SPECC1: variants seen among roughly 807,000 people sequenced by gnomAD.
The protein encoded by SPECC1 is cytospin-B.
Under a neutral mutation model 104.1 loss-of-function variants are expected in SPECC1, and 62 were observed. That is an observed-to-expected ratio of 0.60 (90% CI 0.49 to 0.74). The LOEUF (loss-of-function observed/expected upper bound fraction) is 0.74, where lower values mean the gene tolerates loss of function less well. SPECC1 is among the 30% of genes least tolerant of loss of function. SPECC1 has a pLI of 0.00. For synonymous variants in SPECC1, 513 were observed against 501.6 expected (o/e 1.02, Z -0.30); for missense variants, 1,306 against 1,310.5 (o/e 1.00, Z 0.05).
At chr17:20,298,551 G>A (rs1195754338) in intron 13 of SPECC1, among the ~76,000 whole-genome samples, 1 of 152,166 alleles carries the variant, frequency 6.6e-6, no homozygotes, top group Non-Finnish European at 1.5e-5. Context: ...GGGAGTCTGG[G>A]GCGGGAGAGG....
chr17:20,315,392 G>C lies in SPECC1; in HGVS notation c.*1327G>C, dbSNP rs554725205. 4.3e-6 allele frequency: 1 copy of C among 232,782 alleles called. No individual in the cohort carries two copies. The highest frequency in any genetic ancestry group is 8.5e-6 in the Non-Finnish European group (1 of 117,844). 14.4% of individuals were successfully genotyped at this position (232,782 alleles called of 1,614,324 possible). ...CCAGTCCCTCAGAAGTGCTCAGTCC[G>C]GCCCGAGTGCCCATCTGGTGGCTCT... On this transcript the variant is annotated 3_prime_UTR_variant, in exon 15 of 15. Coordinates refer to ENST00000395527, the MANE Select transcript of SPECC1 (RefSeq NM_001243439.2).
intron 12 of SPECC1, among the ~76,000 whole-genome samples, chr17:20,295,382 G>A (rs1042163498): frequency 2.0e-5 from 3 of 152,062 alleles, no homozygotes; most frequent in Non-Finnish European, 4.4e-5. Flanking sequence ...GTATTCGATG[G>A]TGTACATGTG....
chr17:20,110,505 A>G lies in SPECC1; in HGVS notation c.226A>G (p.Thr76Ala). The G allele has an allele frequency of 6.2e-7, 1 of 1,613,096 alleles. No individual in the cohort carries two copies. The stretch of plus-strand genomic sequence containing the variant: ...ATCGGGGGTGGTTCGCCTGAAGAAG[A>G]CCGCCACTGCCGGAGCCATCTCGGA... The part of the protein sequence containing the change: ...AASGVVRLKK[T>A]ATAGAISELT... Residue 76 changes from threonine (T) to alanine (A), a missense_variant, in exon 3 of 15, where the codon ACC becomes GCC. By Grantham distance (58) the Thr-to-Ala change is moderately conservative. Transcript: ENST00000395527.
intron 7 of SPECC1, among the ~76,000 whole-genome samples, chr17:20,235,066 C>T (rs2038828067): frequency 6.6e-6 from 1 of 152,210 alleles, no homozygotes; most frequent in South Asian, 2.1e-4. Flanking sequence ...CTGCCTCTTG[C>T]CTCTGTTAAA....
At chr17:20,302,664 G>A (rs891888784) in intron 13 of SPECC1, among the ~76,000 whole-genome samples, 20 of 151,180 alleles carry the variant, frequency 1.3e-4, no homozygotes, top group Admixed American at 1.2e-3. Context: ...AGGCTTCAGA[G>A]TAGCTGGGAT....
intron 10 of SPECC1, among the ~76,000 whole-genome samples, chr17:20,254,451 A>C (rs555093883): frequency 1.3e-3 from 194 of 152,262 alleles, no homozygotes; most frequent in Non-Finnish European, 2.3e-3. Context: ...TCAAGGATTG[A>C]GTTAGCACAT....
At chr17:20,196,702 T>A (rs1045993455) in intron 3 of SPECC1, among the ~76,000 whole-genome samples, 3 of 148,632 alleles carry the variant, frequency 2.0e-5, no homozygotes, top group Admixed American at 6.7e-5. Context: ...TTTATAATCA[T>A]CTTTGTATAG....
chr17:20,180,960 A>G (rs998945943), intron 3 of SPECC1, among the ~76,000 whole-genome samples: 4 of 151,266 alleles, frequency 2.6e-5, no homozygotes, highest in Non-Finnish European at 4.4e-5. Context: ...TGATTTTTGT[A>G]TGCAATAACC....
chr17:20,131,895 G>A (rs538435536), intron 3 of SPECC1, among the ~76,000 whole-genome samples: 266 of 151,990 alleles, frequency 1.8e-3, no homozygotes, highest in Middle Eastern at 3.4e-3. Context: ...GGCAATCCCC[G>A]CCCGCCTTGG....
chr17:20,063,508 A>C (rs1423518677), intron 1 of SPECC1, among the ~76,000 whole-genome samples: 1 of 152,232 alleles, frequency 6.6e-6, no homozygotes, highest in Non-Finnish European at 1.5e-5. Flanking sequence ...GGTCATTTAA[A>C]AAATGTTTTC....
Position 20,204,986 on chromosome 17 carries a change from G to C in SPECC1, c.937G>C (p.Gly313Arg). Residue 313 changes from glycine to arginine, a missense_variant, in exon 4 of 15, where the codon GGC becomes CGC. Physicochemically the swap from Gly to Arg is moderately radical, Grantham distance 125 (BLOSUM62 -2). Around this residue, in one of 2 missense-constraint regions of SPECC1, gnomAD observed 1,177 missense variants for 1,139.9 expected, o/e 1.03. Transcript: ENST00000395527. The stretch of plus-strand genomic sequence containing the variant: ...ACATGGAAATGCATTACGGACATCA[G>C]GCTCCTCAAGTAGCGATGTTACCAA... ...NIHGNALRTS[G>R]SSSSDVTKAS... 1 of 1,614,164 alleles carries C rather than the reference G, an allele frequency of 6.2e-7. No individual in the cohort carries two copies. Among genetic ancestry groups the C allele is most frequent in the Non-Finnish European group, 8.5e-7 (1 of 1,180,032 alleles).
In SPECC1 at chr17:20,315,036, C is replaced by T. The variant is rs769290164; in HGVS notation, c.*971C>T. 3.0e-5 allele frequency: 7 copies of T among 232,608 alleles called. No individual in the cohort carries two copies. The highest frequency in any genetic ancestry group is 1.2e-3 in the Middle Eastern group (1 of 808). The allele number at this position is 232,608 out of a possible 1,614,324, so 14.4% of individuals were successfully genotyped here. A position where few individuals can be genotyped will look rare whatever the true frequency, so the allele number is the denominator to read the frequency against. ...TCACCTGCGCCTTTGTCCTCCCATT[C>T]GTTTACCCTCCCGTTCACATCCACA... On this transcript the variant is annotated 3_prime_UTR_variant, in exon 15 of 15. Transcript: ENST00000395527.
intron 3 of SPECC1, among the ~76,000 whole-genome samples, chr17:20,116,192 A>G (rs1338209756): frequency 1.3e-5 from 2 of 152,058 alleles, no homozygotes; most frequent in African/African-American, 4.8e-5. Flanking sequence ...GTTTCACGCC[A>G]TTCTCCTGCC....
At chr17:20,054,689 G>T (rs974577286) in intron 1 of SPECC1, among the ~76,000 whole-genome samples, 3 of 151,770 alleles carry the variant, frequency 2.0e-5, no homozygotes, top group African/African-American at 7.3e-5. Context: ...TTTGGGGGGG[G>T]TGGTGTCTTG....
chr17:20,275,801 A>C (rs970518439), intron 12 of SPECC1, among the ~76,000 whole-genome samples: 1 of 152,160 alleles, frequency 6.6e-6, no homozygotes, highest in Non-Finnish European at 1.5e-5. Flanking sequence ...TGGGAGCTCA[A>C]GTGTCCCCTG....
intron 3 of SPECC1, among the ~76,000 whole-genome samples, chr17:20,168,866 A>T (rs1405156938): frequency 1.3e-5 from 2 of 152,108 alleles, no homozygotes; most frequent in Non-Finnish European, 2.9e-5. Flanking sequence ...ATCAGAAACG[A>T]TGGTATATTT....
chr17:20,029,863 A>G (rs530391386), intron 1 of SPECC1, among the ~76,000 whole-genome samples: 1 of 151,822 alleles, frequency 6.6e-6, no homozygotes, highest in Non-Finnish European at 1.5e-5. Flanking sequence ...TTTTGGTTTT[A>G]TTTATTTTTT....
At chr17:20,296,900 C>T in intron 12 of SPECC1, 61 bp from the exon 13 acceptor site, 2 of 1,438,780 alleles carry the variant, frequency 1.4e-6, no homozygotes, top group South Asian at 1.2e-5. Flanking sequence ...CAATCTTCCT[C>T]ATCTGTGATA....
chr17:20,193,172 G>T (rs1228258197), intron 3 of SPECC1, among the ~76,000 whole-genome samples: 2 of 152,330 alleles, frequency 1.3e-5, no homozygotes, highest in Admixed American at 1.3e-4. Flanking sequence ...GCTGGCAGGA[G>T]TGTAGTAGTG....
Sources: gnomAD v4.1 joint callset for allele counts (sites outside exome capture counted in the v4.1 genomes callset) on GRCh38, gnomAD v4.1.1 for gene constraint, gnomAD v4.1.1 regional missense constraint, MANE v1.5 for transcripts, NCBI Gene and HGNC (gene_info 2026-07-23, HGNC 2026-07-21) for gene names.